The following IGFL2 variants were observed in gnomAD, a reference collection of about 807,000 sequenced individuals.
IGFL2 encodes the protein insulin growth factor-like family member 2.
Under a neutral mutation model 13.9 loss-of-function variants are expected in IGFL2, and 7 were observed. The observed-to-expected ratio is 0.51, with a 90% CI of 0.29 to 0.95. The LOEUF (loss-of-function observed/expected upper bound fraction) is 0.95, where lower values mean the gene tolerates loss of function less well. IGFL2 is among the 40% of genes least tolerant of loss of function. The pLI, the probability that IGFL2 is intolerant of heterozygous loss-of-function variation, is 0.08. For synonymous variants in IGFL2, 55 were observed against 55.8 expected (o/e 0.99, Z 0.07); for missense variants, 138 against 147.8 (o/e 0.93, Z 0.34).
At chr19:46,133,794 C>T in the IGFL2 span, among the ~76,000 whole-genome samples, 1 of 152,186 alleles carries the variant, frequency 6.6e-6, no homozygotes, top group Non-Finnish European at 1.5e-5. Context: ...ATTTTCTACA[C>T]CATGATCCCA....
chr19:46,121,618 T>G, the IGFL2 span, among the ~76,000 whole-genome samples: 1 of 150,428 alleles, frequency 6.6e-6, no homozygotes, highest in African/African-American at 2.5e-5. Flanking sequence ...AAAACAACGG[T>G]GTCGCACGTG....
the IGFL2 span, among the ~76,000 whole-genome samples, chr19:46,078,637 G>T: frequency 6.6e-6 from 1 of 152,216 alleles, no homozygotes; most frequent in East Asian, 1.9e-4. Flanking sequence ...GTGGAGTCAA[G>T]GCTCACTTTA....
the IGFL2 span, among the ~76,000 whole-genome samples, chr19:46,094,992 A>C: frequency 6.6e-5 from 10 of 152,130 alleles, no homozygotes; most frequent in Non-Finnish European, 1.2e-4. Flanking sequence ...GTAAACATAC[A>C]TGTGCATGTA....
At chr19:46,163,830 A>G (rs768409756), downstream of IGFL2, 7 of 152,352 alleles carry the variant, frequency 4.6e-5, no homozygotes, top group Non-Finnish European at 8.8e-5. Flanking sequence ...GGCCTGCTCC[A>G]GTCCTTAGTT....
rs751594146 is a variant in IGFL2 at position 46,148,849 on chromosome 19, T to G, written c.19+552T>G. ...GATATTGGACTGTGGTTGTGCCAGT[T>G]GACACTCAGGAGTGGAGACTAGATC... is the stretch of plus-strand genomic sequence containing the variant. On this transcript the variant is annotated intron_variant, in intron 1 of 3. Transcript: ENST00000377693. The G allele has an allele frequency of 2.0e-5, 30 of 1,501,620 alleles. 1 individual carries two copies. The highest frequency in any genetic ancestry group is 2.5e-5 in the Non-Finnish European group (28 of 1,125,442). The allele number at this position is 1,501,620 out of a possible 1,614,324, so 93.0% of individuals were successfully genotyped here. A position where few individuals can be genotyped will look rare whatever the true frequency, so the allele number is the denominator to read the frequency against.
chr19:46,177,916 T>C, the IGFL2 span, among the ~76,000 whole-genome samples: 1 of 151,604 alleles, frequency 6.6e-6, no homozygotes. Flanking sequence ...GGAAGGGAGG[T>C]CAGACACCCC....
chr19:46,101,323 G>A, the IGFL2 span, among the ~76,000 whole-genome samples: 1 of 152,344 alleles, frequency 6.6e-6, no homozygotes, highest in East Asian at 1.9e-4. Context: ...GCTAGTGGAG[G>A]AAAGTAAGTC....
At chr19:46,131,058 A>G in the IGFL2 span, among the ~76,000 whole-genome samples, 1 of 152,142 alleles carries the variant, frequency 6.6e-6, no homozygotes, top group Non-Finnish European at 1.5e-5. Context: ...CTTTTTAGTC[A>G]TTTTTATTCA....
At chr19:46,177,163 G>A in the IGFL2 span, among the ~76,000 whole-genome samples, 3 of 152,198 alleles carry the variant, frequency 2.0e-5, no homozygotes, top group South Asian at 6.2e-4. Flanking sequence ...TCGGGAGGCT[G>A]GGGTGGCAGG....
At chr19:46,116,310 A>G in the IGFL2 span, among the ~76,000 whole-genome samples, 9 of 152,212 alleles carry the variant, frequency 5.9e-5, no homozygotes, top group Admixed American at 6.5e-5. Flanking sequence ...AACACCGTTG[A>G]TAATGCATTG....
At chr19:46,112,061 A>C in the IGFL2 span, 2 of 152,224 alleles carry the variant, frequency 1.3e-5, no homozygotes, top group African/African-American at 2.4e-5. Flanking sequence ...CAAAGCTAGG[A>C]GAAATTGGAG....
the IGFL2 span, among the ~76,000 whole-genome samples, chr19:46,098,511 G>A: frequency 9.0e-5 from 12 of 134,052 alleles, no homozygotes; most frequent in East Asian, 2.1e-4. Flanking sequence ...ATGGAGTCTC[G>A]TTCTGCCACC....
chr19:46,206,459 T>C, the IGFL2 span, among the ~76,000 whole-genome samples: 1 of 152,214 alleles, frequency 6.6e-6, no homozygotes, highest in African/African-American at 2.4e-5. Flanking sequence ...ACTGACACTG[T>C]GAGCTCTGAA....
chr19:46,090,075 T>G, the IGFL2 span, among the ~76,000 whole-genome samples: 1 of 152,164 alleles, frequency 6.6e-6, no homozygotes, highest in African/African-American at 2.4e-5. Context: ...TGGTACATTT[T>G]CAAATAACTT....
At chr19:46,164,740 G>A (rs1013964705), downstream of IGFL2, 13 of 152,204 alleles carry the variant, frequency 8.5e-5, no homozygotes, top group Non-Finnish European at 1.5e-4. Flanking sequence ...TAGATGGAGT[G>A]CGCTGGAGAA....
At chr19:46,098,842 A>G in the IGFL2 span, among the ~76,000 whole-genome samples, 1 of 152,100 alleles carries the variant, frequency 6.6e-6, no homozygotes, top group Non-Finnish European at 1.5e-5. Flanking sequence ...TAATATTGTT[A>G]TGTGTGTTTG....
At chr19:46,186,014 T>C in the IGFL2 span, among the ~76,000 whole-genome samples, 1,236 of 152,256 alleles carry the variant, frequency 8.1e-3, 18 homozygotes, top group African/African-American at 0.027. Context: ...GTAGTCTTTA[T>C]GAGACTCTAG....
At chr19:46,129,872 A>G in the IGFL2 span, among the ~76,000 whole-genome samples, 1 of 152,190 alleles carries the variant, frequency 6.6e-6, no homozygotes, top group African/African-American at 2.4e-5. Flanking sequence ...GATGTCTATC[A>G]GGCCCATTTG....
intron 1 of IGFL2, among the ~76,000 whole-genome samples, chr19:46,157,431 G>A (rs573394268): frequency 6.6e-6 from 1 of 152,288 alleles, no homozygotes; most frequent in South Asian, 2.1e-4. Context: ...TACACATCAT[G>A]CCTATGTAGG....
Sources: allele counts gnomAD v4.1 joint callset (sites outside exome capture counted in the v4.1 genomes callset), GRCh38; gene constraint gnomAD v4.1.1; transcripts MANE v1.5; gene names NCBI Gene and HGNC (gene_info 2026-07-23, HGNC 2026-07-21).